CHFR: variants seen among roughly 807,000 people sequenced by gnomAD.
CHFR encodes checkpoint with forkhead and ring finger domains, also known as E3 ubiquitin-protein ligase CHFR.
CHFR carries 57 observed loss-of-function variants against 87.6 expected under a neutral mutation model. The observed-to-expected ratio is 0.65, with a 90% CI of 0.53 to 0.81. CHFR has a LOEUF of 0.81. CHFR is among the 30% of genes least tolerant of loss of function. The pLI is 0.00. For missense variants in CHFR, 797 were observed against 865.8 expected (o/e 0.92, Z 1.00); for synonymous variants, 381 against 359.2 (o/e 1.06, Z -0.69).
intron 10 of CHFR, among the ~76,000 whole-genome samples, chr12:132,855,643 G>C (rs1161100736): frequency 2.6e-5 from 4 of 151,846 alleles, no homozygotes; most frequent in Admixed American, 2.6e-4. Context: ...CTCCAGCCTG[G>C]CAGCAGAGCG....
At chr12:132,859,276 G>T (rs374414666) in intron 7 of CHFR, 49 bp from the exon 8 acceptor site, 15 of 1,552,616 alleles carry the variant, frequency 9.7e-6, no homozygotes, top group Non-Finnish European at 1.3e-5. Context: ...GGAAATACAC[G>T]CAGGTTCAGG....
In CHFR at chr12:132,841,389, C is replaced by A; in HGVS notation, c.*165G>T. ...CCGGGGCTCTGGGGAGGGTCTCACT[C>A]AGAGGGTAAAGCTCCACAGAAGAGT... is the stretch of plus-strand genomic sequence containing the variant. On this transcript the variant is annotated 3_prime_UTR_variant, in exon 18 of 18. Transcript: ENST00000450056. 1.6e-6 allele frequency: 1 copy of A among 614,762 alleles called. No homozygotes were observed. The highest frequency in any genetic ancestry group is 2.9e-6 in the Non-Finnish European group (1 of 347,846). 38.1% of individuals were successfully genotyped at this position (614,762 alleles called of 1,614,324 possible).
chr12:132,857,436 G>C lies in CHFR; in HGVS notation c.1035C>G (p.Asn345Lys). ...ERICKNHILN[N>K]LVEAYLIQHP... ...GCTGGATGAGGTATGCTTCCACGAG[G>C]TTGTTGAGGATGTGGTTTTTACAGA... The change falls in exon 9 of 18, where the codon AAC becomes AAG. Residue 345 changes from asparagine (N) to lysine (K), a missense_variant. Asn to Lys is a moderately conservative substitution (Grantham distance 94, BLOSUM62 0). This residue lies in a region of CHFR where 597 missense variants were observed against 601.2 expected (regional missense o/e 0.99). Transcript: ENST00000450056. The C allele has an allele frequency of 6.2e-7, 1 of 1,614,216 alleles. No individual in the cohort carries two copies. The highest frequency in any genetic ancestry group is 8.5e-7 in the Non-Finnish European group (1 of 1,180,032).
rs1366871997 is a variant in CHFR, at chr12:132,832,423, T to C, written c.*9131A>G. 2 of 152,124 alleles carry C rather than the reference T, an allele frequency of 1.3e-5. No homozygotes were observed. The highest frequency in any genetic ancestry group is 2.4e-5 in the African/African-American group (1 of 41,406). The allele number at this position is 152,124 out of a possible 1,614,324, so 9.4% of individuals were successfully genotyped here. On this transcript the variant is annotated 3_prime_UTR_variant, in exon 18 of 18. Coordinates refer to ENST00000450056, the MANE Select transcript of CHFR (RefSeq NM_001161346.2). Reference sequence around the variant, plus strand: ...ATTCCATAGCACAGGAGGGTGAATATAGTTAATAATAATGTATTGTATATT... The same window carrying C: ...ATTCCATAGCACAGGAGGGTGAATACAGTTAATAATAATGTATTGTATATT...
intron 7 of CHFR, among the ~76,000 whole-genome samples, chr12:132,860,492 A>G (rs1317320431): frequency 6.6e-6 from 1 of 151,968 alleles, no homozygotes; most frequent in Non-Finnish European, 1.5e-5. Flanking sequence ...CCTTCCCCAC[A>G]CCGATCAACC....
At position 132,856,564 on chromosome 12, in the gene CHFR, A is replaced by T; in HGVS notation, c.1133T>A (p.Leu378Gln). The T allele has an allele frequency of 6.2e-7, 1 of 1,614,224 alleles. No homozygotes were observed. Among genetic ancestry groups the T allele is most frequent in the Non-Finnish European group, 8.5e-7 (1 of 1,180,004 alleles). ...AAAAGACCGCCTGACTTTGGGCTGC[A>T]GCATGTCTTGAGTGATTTTATTTCT... ...DARNKITQDMLQPKVRRSFSD... is the reference protein window; with the variant it reads ...DARNKITQDMQQPKVRRSFSD... The change falls in exon 10 of 18, where the codon CTG (leucine) becomes CAG (glutamine). Residue 378 changes from leucine (L) to glutamine (Q), a missense_variant. Coordinates refer to ENST00000450056, the MANE Select transcript of CHFR (RefSeq NM_001161346.2).
intron 6 of CHFR, 42 bp from the exon 7 acceptor site, chr12:132,861,676 C>T (rs1011778188): frequency 3.1e-6 from 5 of 1,590,484 alleles, no homozygotes; most frequent in Non-Finnish European, 4.3e-6. Flanking sequence ...ATCCATCCAG[C>T]TCAGGAGAGA....
intron 6 of CHFR, among the ~76,000 whole-genome samples, chr12:132,862,090 T>C (rs928284652): frequency 2.6e-5 from 4 of 151,410 alleles, no homozygotes; most frequent in Non-Finnish European, 4.4e-5. Flanking sequence ...CTGGCCAACA[T>C]GGTGAAACCC....
rs1403273314 is a variant in CHFR at position 132,887,590 on chromosome 12, T to G, written c.-56A>C. The G allele has an allele frequency of 6.5e-6, 1 of 153,274 alleles. No individual in the cohort carries two copies. Among genetic ancestry groups the G allele is most frequent in the Non-Finnish European group, 1.5e-5 (1 of 68,884 alleles). The allele number at this position is 153,274 out of a possible 1,614,324, so 9.5% of individuals were successfully genotyped here. A position where few individuals can be genotyped will look rare whatever the true frequency, so the allele number is the denominator to read the frequency against. Reference sequence around the variant, plus strand: ...CCGGAACCGGCTGCGCCGCCGCCGCTGTCAAGAGACATTGCGGCTCCCTCA... The same window carrying G: ...CCGGAACCGGCTGCGCCGCCGCCGCGGTCAAGAGACATTGCGGCTCCCTCA... On this transcript the variant is annotated 5_prime_UTR_variant, in exon 1 of 18. Coordinates refer to ENST00000450056, the MANE Select transcript of CHFR (RefSeq NM_001161346.2).
intron 2 of CHFR, among the ~76,000 whole-genome samples, chr12:132,879,821 A>G (rs1951725137): frequency 1.3e-5 from 2 of 152,230 alleles, no homozygotes; most frequent in African/African-American, 4.8e-5. Context: ...TAAAGATACT[A>G]GAAGACAAAA....
intron 10 of CHFR, 60 bp from the exon 11 acceptor site, chr12:132,853,633 T>G: frequency 6.8e-7 from 1 of 1,470,886 alleles, no homozygotes; most frequent in Non-Finnish European, 8.9e-7. Flanking sequence ...GTAGGGCCGG[T>G]GCAACGCGGG....
At chr12:132,847,418 C>T (rs1950854325) in intron 14 of CHFR, 1 of 1,182,762 alleles carries the variant, frequency 8.5e-7, no homozygotes, top group African/African-American at 1.6e-5. Context: ...ACATGAAAGC[C>T]AGGCCACAGT....
chr12:132,869,295 G>A (rs1361390100), intron 6 of CHFR, among the ~76,000 whole-genome samples: 2 of 151,996 alleles, frequency 1.3e-5, no homozygotes, highest in Admixed American at 1.3e-4. Context: ...TTTCCTTTTC[G>A]TGTCAATGAG....
rs1201112509 is a variant in CHFR at position 132,841,195 on chromosome 12, C to T, written c.*359G>A. ...ATAAACTTGCCCTTCTCCCTTGAAA[C>T]TTTTCCTAAAAACAGACTTCTGCTT... is the stretch of plus-strand genomic sequence containing the variant. On this transcript the variant is annotated 3_prime_UTR_variant, in exon 18 of 18. Transcript: ENST00000450056. The T allele has an allele frequency of 4.7e-5, 10 of 212,312 alleles. No individual in the cohort carries two copies. The highest frequency in any genetic ancestry group is 1.1e-4 in the Admixed American group (2 of 18,342). 13.2% of individuals were successfully genotyped at this position (212,312 alleles called of 1,614,324 possible).
chr12:132,878,467 T>C (rs1473074906), intron 2 of CHFR, among the ~76,000 whole-genome samples: 1 of 137,988 alleles, frequency 7.2e-6, no homozygotes, highest in African/African-American at 2.6e-5. Context: ...AGACTCCAAC[T>C]GGAAATAAAA....
chr12:132,871,379 G>T lies in CHFR; in HGVS notation c.344-596C>A, dbSNP rs146862603. Among the ~76,000 whole-genome samples the T allele has an allele frequency of 9.8e-3, 1,471 of 150,590 alleles. 11 individuals carry two copies. The highest frequency in any genetic ancestry group is 0.016 in the Non-Finnish European group (1,080 of 67,660). On this transcript the variant is annotated intron_variant, in intron 4 of 17. Coordinates refer to ENST00000450056, the MANE Select transcript of CHFR (RefSeq NM_001161346.2). ...AGGCAGGAGAATCGCTTGAAACCAG[G>T]AGGTGGAGGTTGCAGTGAGCTGAGA...
chr12:132,860,193 A>C (rs1439021800), intron 7 of CHFR, among the ~76,000 whole-genome samples: 1 of 152,174 alleles, frequency 6.6e-6, no homozygotes, highest in Non-Finnish European at 1.5e-5. Context: ...TGTGTTTCTA[A>C]GTTATCATGG....
intron 12 of CHFR, among the ~76,000 whole-genome samples, chr12:132,850,978 T>C (rs1450423229): frequency 9.4e-6 from 1 of 106,836 alleles, no homozygotes; most frequent in Non-Finnish European, 2.3e-5. Context: ...TATATATATA[T>C]ATATATATAT....
chr12:132,881,420 T>C (rs1951767051), intron 2 of CHFR, among the ~76,000 whole-genome samples: 1 of 151,994 alleles, frequency 6.6e-6, no homozygotes, highest in African/African-American at 2.4e-5. Context: ...AGAAAGTAAA[T>C]AATGCAACTT....
Sources: allele counts gnomAD v4.1 joint callset (sites outside exome capture counted in the v4.1 genomes callset), GRCh38; gene constraint gnomAD v4.1.1; regional missense constraint gnomAD v4.1.1; transcripts MANE v1.5; gene names NCBI Gene and HGNC (gene_info 2026-07-23, HGNC 2026-07-21).